PTPN14: variants seen among roughly 807,000 people sequenced by gnomAD.
PTPN14 encodes the protein protein tyrosine phosphatase non-receptor type 14.
A neutral mutation model predicts 126.8 loss-of-function variants in PTPN14; 53 were observed. The ratio of observed to expected loss-of-function variants is 0.42; its 90% CI spans 0.34 to 0.53. The LOEUF is 0.53. Among genes scored for constraint, PTPN14 ranks in the 20% least tolerant of loss-of-function variants. PTPN14 has a pLI of 0.08. For missense variants in PTPN14, 1,257 were observed against 1,552.9 expected (o/e 0.81, Z 3.20); for synonymous variants, 630 against 599.3 (o/e 1.05, Z -0.75).
chr1:214,372,666 C>G (rs755396321), intron 16 of PTPN14, 45 bp downstream of exon 16: 1 of 1,612,820 alleles, frequency 6.2e-7, no homozygotes, highest in Non-Finnish European at 8.5e-7. Flanking sequence ...TCTGGCCACC[C>G]TTTCCCCTGG....
intron 1 of PTPN14, among the ~76,000 whole-genome samples, chr1:214,497,545 A>G (rs1208049007): frequency 6.6e-6 from 1 of 152,150 alleles, no homozygotes; most frequent in Non-Finnish European, 1.5e-5. Context: ...ACATACATCT[A>G]TGAAAAAGGA....
intron 10 of PTPN14, among the ~76,000 whole-genome samples, chr1:214,392,266 G>GTAT (rs1160350484): frequency 2.6e-5 from 4 of 152,054 alleles, no homozygotes; most frequent in Non-Finnish European, 5.9e-5. Context: ...AAGAGGTTAG[G>GTAT]AACCTCTTAT....
chr1:214,483,329 T>G, intron 1 of PTPN14: 2 of 1,613,172 alleles, frequency 1.2e-6, no homozygotes, highest in South Asian at 1.1e-5. Context: ...GTAGGGGCGG[T>G]AGAACTTGGA....
In PTPN14 at chr1:214,543,658, G is replaced by A. The variant is rs548056511; in HGVS notation, c.-155+7525C>T. 3.9e-3 allele frequency among the ~76,000 whole-genome samples: 585 copies of A among 151,488 alleles called. 2 individuals carry two copies. The highest frequency in any genetic ancestry group is 6.8e-3 in the Non-Finnish European group (462 of 67,890). ...AACACGTTTTTTTTTTTTAGATGGA[G>A]TCTCGCTCTGTCTCCCAGGCTGGTG... On this transcript the variant is annotated intron_variant, in intron 1 of 18. Coordinates refer to ENST00000366956, the MANE Select transcript of PTPN14 (RefSeq NM_005401.5).
chr1:214,364,695 T>C lies in PTPN14; in HGVS notation c.3272-20A>G. The C allele has an allele frequency of 6.2e-7, 1 of 1,602,626 alleles. No individual in the cohort carries two copies. Among genetic ancestry groups the C allele is most frequent in the Non-Finnish European group, 8.5e-7 (1 of 1,174,466 alleles). ...AGTAGGCTGCAGGACAAAATGCAAA[T>C]TCTGTCACCAAAGTCCTCCATGGCT... On this transcript the variant is annotated intron_variant, in intron 17 of 18. Coordinates refer to ENST00000366956, the MANE Select transcript of PTPN14 (RefSeq NM_005401.5). The surrounding 1 kb of genome is among the most constrained non-coding windows in gnomAD (Gnocchi z 4.1).
intron 1 of PTPN14, chr1:214,483,169 A>T: frequency 6.3e-7 from 1 of 1,591,772 alleles, no homozygotes; most frequent in Non-Finnish European, 8.6e-7. Flanking sequence ...CACAGAAGAC[A>T]AAATATAACG....
At chr1:214,382,485 C>T (rs185369229) in intron 13 of PTPN14, among the ~76,000 whole-genome samples, 2 of 152,270 alleles carry the variant, frequency 1.3e-5, no homozygotes, top group African/African-American at 4.8e-5. Context: ...TCATGTCTGG[C>T]TGGTTCTTTT....
At chr1:214,410,497 T>C (rs1485721474) in intron 5 of PTPN14, among the ~76,000 whole-genome samples, 1 of 152,196 alleles carries the variant, frequency 6.6e-6, no homozygotes, top group Non-Finnish European at 1.5e-5. Context: ...TTCACCATAT[T>C]GTCCAGGATG....
intron 1 of PTPN14, among the ~76,000 whole-genome samples, chr1:214,511,384 A>G (rs1002885608): frequency 3.9e-5 from 6 of 152,188 alleles, no homozygotes; most frequent in African/African-American, 1.4e-4. Flanking sequence ...ATACAAAAGC[A>G]TCACTAATAA....
rs1658549633 is a variant in PTPN14, at chr1:214,384,162, T to C, written c.1693A>G (p.Arg565Gly). 2 of 1,588,754 alleles carry C rather than the reference T, an allele frequency of 1.3e-6. No individual in the cohort carries two copies. The highest frequency in any genetic ancestry group is 1.3e-5 in the African/African-American group (1 of 74,720). The stretch of plus-strand genomic sequence containing the variant: ...GGCCGTGGGTAGGGGGGCGGTGGCC[T>C]GAAGAGATAGTTCTTAAGCATGTGG... ...TAHMLKNYLF[R>G]PPPPYPRPRP... Residue 565 changes from arginine (R) to glycine (G), a missense_variant, in exon 13 of 19, where the codon AGG becomes GGG. Coordinates refer to ENST00000366956, the MANE Select transcript of PTPN14 (RefSeq NM_005401.5). The surrounding 1 kb of genome is among the most constrained non-coding windows in gnomAD (Gnocchi z 5.3).
At chr1:214,365,206 G>A (rs529143332) in intron 17 of PTPN14, among the ~76,000 whole-genome samples, 1 of 152,192 alleles carries the variant, frequency 6.6e-6, no homozygotes, top group East Asian at 1.9e-4. Flanking sequence ...GTAGACTTTG[G>A]GGAGTCTGCT....
At chr1:214,451,462 C>T (rs1042810198) in intron 3 of PTPN14, among the ~76,000 whole-genome samples, 1 of 152,144 alleles carries the variant, frequency 6.6e-6, no homozygotes, top group Admixed American at 6.5e-5. Context: ...GACACCACGC[C>T]TGGCCAGGTC....
Position 214,440,456 on chromosome 1 carries a change from A to G in PTPN14, c.344+11349T>C, listed in dbSNP as rs114420535. ...AGAGATGAGACAGATATTGTGAGCA[A>G]TAAAGAGAGGAAATCTGAATAATTT... On this transcript the variant is annotated intron_variant, in intron 3 of 18. Coordinates refer to ENST00000366956, the MANE Select transcript of PTPN14 (RefSeq NM_005401.5). Among the ~76,000 whole-genome samples the G allele has an allele frequency of 4.3e-3, 659 of 152,364 alleles. 6 individuals are homozygous for G. The highest frequency in any genetic ancestry group is 0.014 in the African/African-American group (602 of 41,584).
intron 3 of PTPN14, among the ~76,000 whole-genome samples, chr1:214,415,437 T>G (rs1479927755): frequency 6.6e-6 from 1 of 152,210 alleles, no homozygotes; most frequent in Admixed American, 6.5e-5. Context: ...CTCAAGACGT[T>G]TATTTCCCAG....
chr1:214,414,560 T>C (rs1214053597), intron 4 of PTPN14, 69 bp downstream of exon 4: 5 of 1,374,494 alleles, frequency 3.6e-6, no homozygotes, highest in Non-Finnish European at 5.2e-6. Flanking sequence ...CTTCTCACTC[T>C]GAGAGGCCAG....
intron 1 of PTPN14, among the ~76,000 whole-genome samples, chr1:214,466,506 T>A (rs1000894535): frequency 6.6e-6 from 1 of 152,180 alleles, no homozygotes; most frequent in African/African-American, 2.4e-5. Flanking sequence ...ATGAAAATGA[T>A]GACATTATTG....
chr1:214,417,743 G>A (rs554312666), intron 3 of PTPN14, among the ~76,000 whole-genome samples: 135 of 152,302 alleles, frequency 8.9e-4, no homozygotes, highest in African/African-American at 3.1e-3. Context: ...AGCATGGGCT[G>A]TATTACCACA....
chr1:214,384,361 G>T lies in PTPN14; in HGVS notation c.1494C>A (p.Val498=), dbSNP rs180942365. ...TGTAGACCCCCTGTGGCCCATAAGG[G>T]ACAGTGTAGGGGTGCCTCTCCCGCA... ...PEMRERHPYT[V]PYGPQGVYSN... The change falls in exon 13 of 19, where the codon GTC becomes GTA. Residue 498 remains valine, a synonymous_variant. Coordinates refer to ENST00000366956, the MANE Select transcript of PTPN14 (RefSeq NM_005401.5). This position sits in a 1 kb window ranked among gnomAD's most constrained non-coding sequence, Gnocchi z 5.3. 2.2e-5 allele frequency: 36 copies of T among 1,614,146 alleles called. No individual in the cohort carries two copies. The East Asian group carries it at 7.4e-4, about 33-fold the overall frequency.
rs543657752 is a variant in PTPN14 at position 214,540,672 on chromosome 1, C to T, written c.-155+10511G>A. Among the ~76,000 whole-genome samples, 155 of 152,214 alleles carry T rather than the reference C, an allele frequency of 1.0e-3. 1 individual carries two copies. In the South Asian group the frequency reaches 0.02, roughly 19 times the overall value. ...CACACGTCCACAGATACTACTACAGCAACCATGAAGCTACTCCATGGTGAT... is the reference window on the plus strand; with the variant it reads ...CACACGTCCACAGATACTACTACAGTAACCATGAAGCTACTCCATGGTGAT... On this transcript the variant is annotated intron_variant, in intron 1 of 18. Coordinates refer to ENST00000366956, the MANE Select transcript of PTPN14 (RefSeq NM_005401.5).
Sources: allele counts gnomAD v4.1 joint callset (sites outside exome capture counted in the v4.1 genomes callset), GRCh38; gene constraint gnomAD v4.1.1; non-coding constraint Gnocchi (gnomAD v3.1); transcripts MANE v1.5; gene names NCBI Gene and HGNC (gene_info 2026-07-23, HGNC 2026-07-21).